PDE4B: variants seen among roughly 807,000 people sequenced by gnomAD.
PDE4B encodes the protein phosphodiesterase 4B, also known as 3',5'-cyclic-AMP phosphodiesterase 4B.
In PDE4B, 20 loss-of-function variants were observed where a neutral mutation model predicts 82.2. That is an observed-to-expected ratio of 0.24 (90% CI 0.17 to 0.35). PDE4B has a LOEUF of 0.35. Among genes scored for constraint, PDE4B ranks in the 10% least tolerant of loss-of-function variants. The pLI, the probability that PDE4B is intolerant of heterozygous loss-of-function variation, is 1.00. For synonymous variants in PDE4B, 320 were observed against 318.9 expected (o/e 1.00, Z -0.04); for missense variants, 655 against 907.2 (o/e 0.72, Z 3.57).
intron 3 of PDE4B, among the ~76,000 whole-genome samples, chr1:66,002,858 T>A (rs1239485243): frequency 6.6e-6 from 1 of 152,120 alleles, no homozygotes; most frequent in Admixed American, 6.6e-5. Flanking sequence ...TATTCAGATA[T>A]TTGCAAATGT....
intron 3 of PDE4B, among the ~76,000 whole-genome samples, chr1:66,211,509 C>A (rs919306399): frequency 2.0e-5 from 3 of 152,162 alleles, no homozygotes; most frequent in Non-Finnish European, 2.9e-5. Context: ...ATGCTCCTAT[C>A]TAAGGCAAAT....
intron 7 of PDE4B, among the ~76,000 whole-genome samples, chr1:66,285,513 G>T (rs1001510725): frequency 3.3e-5 from 5 of 151,806 alleles, no homozygotes; most frequent in Non-Finnish European, 1.5e-5. Context: ...TCCACCTTTT[G>T]TAGTCTCCAA....
intron 4 of PDE4B, among the ~76,000 whole-genome samples, chr1:66,247,965 T>G (rs1275659307): frequency 1.3e-5 from 2 of 152,242 alleles, no homozygotes; most frequent in Non-Finnish European, 1.5e-5. Context: ...ATGAGAACCT[T>G]AACACTTTTT....
chr1:66,158,096 A>T (rs1162019638), intron 3 of PDE4B, among the ~76,000 whole-genome samples: 1 of 152,214 alleles, frequency 6.6e-6, no homozygotes, highest in Non-Finnish European at 1.5e-5. Context: ...TCTACTGCAT[A>T]GATTGAGGCA....
intron 8 of PDE4B, among the ~76,000 whole-genome samples, chr1:66,345,986 C>T (rs1017722534): frequency 6.6e-6 from 1 of 152,114 alleles, no homozygotes; most frequent in African/African-American, 2.4e-5. Flanking sequence ...TTCAGTTTTG[C>T]AATATTTGGC....
intron 1 of PDE4B, among the ~76,000 whole-genome samples, chr1:65,820,667 A>G (rs1433480161): frequency 6.6e-6 from 1 of 152,332 alleles, no homozygotes; most frequent in East Asian, 1.9e-4. Flanking sequence ...CAGTGAGTCA[A>G]TGGGAAAATT....
intron 3 of PDE4B, among the ~76,000 whole-genome samples, chr1:66,226,310 C>T (rs1210735416): frequency 6.6e-6 from 1 of 151,898 alleles, no homozygotes; most frequent in East Asian, 1.9e-4. Context: ...ATAGCAAGGT[C>T]CCAAATCTCA....
rs759704050 is a variant in PDE4B, at chr1:66,266,032, C to G, written c.585-6C>G. 1 of 1,612,254 alleles carries G rather than the reference C, an allele frequency of 6.2e-7. No individual in the cohort carries two copies. The highest frequency in any genetic ancestry group is 8.5e-7 in the Non-Finnish European group (1 of 1,178,390). On this transcript the variant is annotated splice_polypyrimidine_tract_variant and splice_region_variant and intron_variant, in intron 6 of 16. Transcript: ENST00000341517. Reference sequence around the variant, plus strand: ...GACTCAGTCCTTCTTTTCTCTGTCTCCACAGGAGGTCCCCAGCTGCTAGTC... The same window carrying G: ...GACTCAGTCCTTCTTTTCTCTGTCTGCACAGGAGGTCCCCAGCTGCTAGTC...
intron 3 of PDE4B, among the ~76,000 whole-genome samples, chr1:66,236,163 A>G (rs185974757): frequency 9.9e-5 from 15 of 152,100 alleles, no homozygotes; most frequent in African/African-American, 3.6e-4. Context: ...TTGTTAGCTT[A>G]TTATATATAT....
At chr1:66,174,842 C>T (rs917104498) in intron 3 of PDE4B, among the ~76,000 whole-genome samples, 4 of 152,098 alleles carry the variant, frequency 2.6e-5, no homozygotes, top group Non-Finnish European at 5.9e-5. Context: ...TTGATTTACT[C>T]GCAGTTCCAC....
rs540460084 is a variant in PDE4B at position 66,081,735 on chromosome 1, C to T, written c.281+162900C>T. ...GTCAGTGTTGTAACAGTTTGCTCTG[C>T]ACGACAGGTGGATATATAAAAGCCC... On this transcript the variant is annotated intron_variant, in intron 3 of 16. Transcript: ENST00000341517. Among the ~76,000 whole-genome samples, 5 of 152,030 alleles carry T rather than the reference C, an allele frequency of 3.3e-5. No homozygotes were observed. In the South Asian group the frequency reaches 1.0e-3, roughly 32 times the overall value.
At chr1:66,306,662 A>G (rs972668870) in intron 7 of PDE4B, among the ~76,000 whole-genome samples, 13 of 152,190 alleles carry the variant, frequency 8.5e-5, no homozygotes, top group Non-Finnish European at 1.9e-4. Context: ...ATTGCATTAT[A>G]GAATGTATAG....
chr1:65,868,046 A>G lies in PDE4B; in HGVS notation c.-70-45199A>G, dbSNP rs1320802935. On this transcript the variant is annotated intron_variant, in intron 1 of 16. Coordinates refer to ENST00000341517, the MANE Select transcript of PDE4B (RefSeq NM_002600.4). Reference sequence around the variant, plus strand: ...AGCTCAAGAGGTAAATATGTAAGACATGGTTCTTGCTATCCTTTTCTTAGT... The same window carrying G: ...AGCTCAAGAGGTAAATATGTAAGACGTGGTTCTTGCTATCCTTTTCTTAGT... Among the ~76,000 whole-genome samples the G allele has an allele frequency of 7.2e-5, 11 of 152,342 alleles. 1 individual carries two copies. Among genetic ancestry groups the G allele is most frequent in the Admixed American group, 4.6e-4 (7 of 15,302 alleles).
chr1:66,224,929 GA>G lies in PDE4B; in HGVS notation c.282-22527del, dbSNP rs1010163877. Among the ~76,000 whole-genome samples, 13 of 152,250 alleles carry G rather than the reference GA, an allele frequency of 8.5e-5. No individual in the cohort carries two copies. The East Asian group carries it at 2.3e-3, about 27-fold the overall frequency. ...TGCCCGTCTGTCGCATTCTTACTGA[GA>G]AAATAGAAGAAATCACAAGAGAGCT... On this transcript the variant is annotated intron_variant, in intron 3 of 16. Transcript: ENST00000341517.
At chr1:66,120,698 TG>T (rs1007250567) in intron 3 of PDE4B, among the ~76,000 whole-genome samples, 3 of 152,134 alleles carry the variant, frequency 2.0e-5, no homozygotes, top group Non-Finnish European at 4.4e-5. Context: ...TGTTGAAAGG[TG>T]GTTGCCTTTG....
intron 3 of PDE4B, among the ~76,000 whole-genome samples, chr1:65,948,282 T>A (rs7543245): frequency 0.22 from 33,037 of 151,460 alleles, 4,242 homozygotes; most frequent in East Asian, 0.4. Context: ...AGGAGGGTAA[T>A]GTATTAGTCA....
intron 4 of PDE4B, 134 bp downstream of exon 4, chr1:66,247,788 C>A: frequency 1.7e-6 from 1 of 602,854 alleles, no homozygotes; most frequent in Non-Finnish European, 2.7e-6. Context: ...GCAGGGGTGA[C>A]GTGATGACCA....
chr1:66,339,106 C>T (rs1057374238), intron 8 of PDE4B, among the ~76,000 whole-genome samples: 3 of 151,710 alleles, frequency 2.0e-5, no homozygotes, highest in Non-Finnish European at 4.4e-5. Context: ...CATTATATGC[C>T]ACAACCTTTC....
chr1:66,133,859 C>A (rs1646000685), intron 3 of PDE4B, among the ~76,000 whole-genome samples: 1 of 152,140 alleles, frequency 6.6e-6, no homozygotes, highest in Non-Finnish European at 1.5e-5. Context: ...TGGAGTTGGG[C>A]TTTCACTCTC....
Sources: allele counts gnomAD v4.1 joint callset (sites outside exome capture counted in the v4.1 genomes callset), GRCh38; gene constraint gnomAD v4.1.1; transcripts MANE v1.5; gene names NCBI Gene and HGNC (gene_info 2026-07-23, HGNC 2026-07-21).